GARNL3: variants seen among roughly 807,000 people sequenced by gnomAD.
GARNL3 encodes the protein GTPase activating Rap/RanGAP domain like 3, also known as GTPase-activating Rap/Ran-GAP domain-like protein 3.
GARNL3 carries 63 observed loss-of-function variants against 125.0 expected under a neutral mutation model. The observed-to-expected ratio is 0.50, with a 90% confidence interval of 0.41 to 0.62. The LOEUF (loss-of-function observed/expected upper bound fraction) is 0.62. Ranked by LOEUF, GARNL3 falls within the 20% of genes least tolerant of loss-of-function variation. The pLI is 0.00. For missense variants in GARNL3, 994 were observed against 1,244.0 expected (o/e 0.80, Z 3.02); for synonymous variants, 439 against 457.5 (o/e 0.96, Z 0.52).
intron 5 of GARNL3, among the ~76,000 whole-genome samples, chr9:127,319,489 TA>T (rs936376260): frequency 6.2e-5 from 9 of 145,322 alleles, no homozygotes; most frequent in African/African-American, 7.6e-5. Flanking sequence ...CTCAAAAAAA[TA>T]AAAAAAAAAG....
intron 10 of GARNL3, 123 bp from the exon 11 acceptor site, chr9:127,336,005 G>A (rs1829532094): frequency 4.4e-6 from 3 of 683,860 alleles, no homozygotes; most frequent in Non-Finnish European, 7.3e-6. Context: ...AGTCAAAGAT[G>A]TCTGAAGTTC....
upstream of GARNL3, among the ~76,000 whole-genome samples, chr9:127,262,372 A>G (rs1337865440): frequency 2.0e-5 from 3 of 152,152 alleles, no homozygotes; most frequent in Non-Finnish European, 4.4e-5. Flanking sequence ...ATGTTTTTCC[A>G]TCTTGAAGCT....
chr9:127,257,423 C>T (rs907346414), intron 2 of GARNL3, among the ~76,000 whole-genome samples: 3 of 152,212 alleles, frequency 2.0e-5, no homozygotes, highest in Non-Finnish European at 2.9e-5. Flanking sequence ...TTCTCCACTT[C>T]CTTGCCAGCA....
At chr9:127,357,070 C>T in intron 20 of GARNL3, 149 bp from the exon 21 acceptor site, 1 of 703,834 alleles carries the variant, frequency 1.4e-6, no homozygotes, top group South Asian at 1.9e-5. Context: ...TGGCACTCCT[C>T]TCTTGTCCCT....
intron 2 of GARNL3, among the ~76,000 whole-genome samples, chr9:127,296,109 C>G (rs893016154): frequency 1.3e-5 from 2 of 152,138 alleles, no homozygotes; most frequent in African/African-American, 4.8e-5. Flanking sequence ...CTGCGAGGAT[C>G]TAATGCTGCT....
chr9:127,310,147 G>C (rs2065055717), intron 2 of GARNL3, among the ~76,000 whole-genome samples: 1 of 152,150 alleles, frequency 6.6e-6, no homozygotes, highest in Non-Finnish European at 1.5e-5. Flanking sequence ...CAAAATAAAT[G>C]ATAAGGAATG....
chr9:127,233,590 A>G (rs985730101), intron 1 of GARNL3, among the ~76,000 whole-genome samples: 2 of 152,192 alleles, frequency 1.3e-5, no homozygotes, highest in African/African-American at 4.8e-5. Flanking sequence ...TTAAGTGGTT[A>G]AATTATGCTT....
intron 5 of GARNL3, 25 bp downstream of exon 5, chr9:127,318,152 C>T (rs774568397): frequency 4.2e-6 from 6 of 1,412,838 alleles, no homozygotes; most frequent in Non-Finnish European, 6.0e-6. Flanking sequence ...GTAGAAACCC[C>T]ACACATGGAT....
At chr9:127,295,844 T>TGAA (rs2064573702) in intron 2 of GARNL3, among the ~76,000 whole-genome samples, 1 of 152,154 alleles carries the variant, frequency 6.6e-6, no homozygotes, top group Non-Finnish European at 1.5e-5. Context: ...GGGAGATGGT[T>TGAA]TCAGGATGAT....
At chr9:127,286,062 A>G (rs1237959419) in intron 1 of GARNL3, among the ~76,000 whole-genome samples, 1 of 152,204 alleles carries the variant, frequency 6.6e-6, no homozygotes, top group Non-Finnish European at 1.5e-5. Context: ...TCAGGAGTGC[A>G]GATCTGGATT....
At chr9:127,362,741 T>C (rs942161197) in intron 21 of GARNL3, 1 of 152,224 alleles carries the variant, frequency 6.6e-6, no homozygotes, top group African/African-American at 2.4e-5. Context: ...CCATCCTTCA[T>C]GTAATATACC....
intron 21 of GARNL3, among the ~76,000 whole-genome samples, chr9:127,360,262 C>T (rs1338452225): frequency 2.0e-5 from 3 of 152,174 alleles, no homozygotes; most frequent in African/African-American, 7.2e-5. Flanking sequence ...ACCTCGTGAT[C>T]CCGCCCACCT....
chr9:127,296,326 G>T (rs2064588756), intron 2 of GARNL3, among the ~76,000 whole-genome samples: 1 of 152,082 alleles, frequency 6.6e-6, no homozygotes, highest in Non-Finnish European at 1.5e-5. Context: ...GGCAAGGTAT[G>T]GGGGTGGTGG....
At chr9:127,327,691 G>A (rs1451808621) in intron 7 of GARNL3, among the ~76,000 whole-genome samples, 1 of 152,100 alleles carries the variant, frequency 6.6e-6, no homozygotes, top group African/African-American at 2.4e-5. Context: ...ATACCACCAT[G>A]CCTGACTACA....
At chr9:127,243,326 G>T in intron 2 of GARNL3, 1 of 1,219,848 alleles carries the variant, frequency 8.2e-7, no homozygotes. Flanking sequence ...TGTTTAGGAA[G>T]AATATACTTT....
chr9:127,382,215 G>A (rs1832300679), intron 22 of GARNL3, among the ~76,000 whole-genome samples: 1 of 152,000 alleles, frequency 6.6e-6, no homozygotes, highest in Admixed American at 6.6e-5. Context: ...CAGGAGAATC[G>A]CTTGAACCTG....
At chr9:127,382,324 T>TAAC (rs1588973183) in intron 22 of GARNL3, among the ~76,000 whole-genome samples, 2 of 151,836 alleles carry the variant, frequency 1.3e-5, no homozygotes, top group East Asian at 3.9e-4. Context: ...ATAATAATAA[T>TAAC]AACTCCATCT....
In GARNL3 at chr9:127,390,902, C is replaced by G. The variant is rs919666375; in HGVS notation, c.2870+135C>G. 11 of 867,048 alleles carry G rather than the reference C, an allele frequency of 1.3e-5. No individual in the cohort carries two copies. The African/African-American group carries it at 1.9e-4, about 15-fold the overall frequency. The allele number at this position is 867,048 out of a possible 1,614,324, so 53.7% of individuals were successfully genotyped here. ...ACAGCAGAGGGCCAGCAGCCTGTTC[C>G]TCTCTGAGGGTCCCCAGACCCTCAG... On this transcript the variant is annotated intron_variant, in intron 27 of 27. Transcript: ENST00000373387.
intron 2 of GARNL3, among the ~76,000 whole-genome samples, chr9:127,254,483 C>T (rs942424622): frequency 2.0e-5 from 3 of 152,102 alleles, no homozygotes; most frequent in Admixed American, 1.3e-4. Context: ...TCAGAATATA[C>T]AAATAATATC....
Sources: gnomAD v4.1 joint callset for allele counts (sites outside exome capture counted in the v4.1 genomes callset) on GRCh38, gnomAD v4.1.1 for gene constraint, MANE v1.5 for transcripts, NCBI Gene and HGNC (gene_info 2026-07-23, HGNC 2026-07-21) for gene names.